SLCO3A1: variants seen among roughly 807,000 people sequenced by gnomAD.
The protein encoded by SLCO3A1 is PGE1 transporter.
Under a neutral mutation model 63.1 loss-of-function variants are expected in SLCO3A1, and 27 were observed. The observed-to-expected ratio is 0.43, with a 90% CI of 0.32 to 0.59. SLCO3A1 has a LOEUF of 0.59. Ranked by LOEUF, SLCO3A1 falls within the 20% of genes least tolerant of loss-of-function variation. The pLI is 0.09. For missense variants in SLCO3A1, 773 were observed against 945.8 expected (o/e 0.82, Z 2.40); for synonymous variants, 473 against 409.9 (o/e 1.15, Z -1.86).
chr15:91,940,817 A>G (rs1006605599), intron 2 of SLCO3A1, among the ~76,000 whole-genome samples: 67 of 152,276 alleles, frequency 4.4e-4, no homozygotes, highest in African/African-American at 1.5e-3. Flanking sequence ...GAATGAGCGA[A>G]TATTCTGCTT....
At chr15:92,160,456 C>G (rs1414161548) in intron 9 of SLCO3A1, among the ~76,000 whole-genome samples, 1 of 152,030 alleles carries the variant, frequency 6.6e-6, no homozygotes, top group East Asian at 1.9e-4. Flanking sequence ...GCTGAGACAC[C>G]TGGGCAGCCT....
chr15:91,856,583 G>A lies in SLCO3A1; in HGVS notation c.180+2495G>A, dbSNP rs1896926417. Among the ~76,000 whole-genome samples, 1 of 152,166 alleles carries A rather than the reference G, an allele frequency of 6.6e-6. No homozygotes were observed. Among genetic ancestry groups the A allele is most frequent in the African/African-American group, 2.4e-5 (1 of 41,426 alleles). On this transcript the variant is annotated intron_variant, in intron 1 of 9. Transcript: ENST00000318445. The surrounding 1 kb of genome is among the most constrained non-coding windows in gnomAD (Gnocchi z 4.9). ...ATATTGCAGGCTGTTTGCAGGAAAG[G>A]CACATTTCTTCCTTTTAATTCATCA...
chr15:92,046,184 T>C (rs748823934), intron 2 of SLCO3A1, among the ~76,000 whole-genome samples: 1 of 152,090 alleles, frequency 6.6e-6, no homozygotes, highest in Non-Finnish European at 1.5e-5. Context: ...TAAGCTATAT[T>C]GGACAGCCTA....
intron 8 of SLCO3A1, among the ~76,000 whole-genome samples, chr15:92,150,394 A>G (rs1250583672): frequency 1.3e-5 from 2 of 152,160 alleles, no homozygotes; most frequent in African/African-American, 4.8e-5. Context: ...GCATCCTTCA[A>G]TCAAGTTGCC....
rs1370309108 is a variant in SLCO3A1 at position 92,046,131 on chromosome 15, T to C, written c.647-48750T>C. Among the ~76,000 whole-genome samples the C allele has an allele frequency of 2.6e-5, 4 of 152,296 alleles. No individual in the cohort carries two copies. The East Asian group carries it at 7.7e-4, about 29-fold the overall frequency. ...AGCTAGAAGGGATTTTCTCATTTTATAAGAAACTAAGAGGTTTAAGAAGTA... is the reference window on the plus strand; with the variant it reads ...AGCTAGAAGGGATTTTCTCATTTTACAAGAAACTAAGAGGTTTAAGAAGTA... On this transcript the variant is annotated intron_variant, in intron 2 of 9. Coordinates refer to ENST00000318445, the MANE Select transcript of SLCO3A1 (RefSeq NM_013272.4).
chr15:91,964,315 C>T lies in SLCO3A1; in HGVS notation c.646+47857C>T, dbSNP rs191264312. Among the ~76,000 whole-genome samples the T allele has an allele frequency of 2.2e-4, 33 of 151,758 alleles. No homozygotes were observed. In the East Asian group the frequency reaches 5.2e-3, roughly 24 times the overall value. On this transcript the variant is annotated intron_variant, in intron 2 of 9. Coordinates refer to ENST00000318445, the MANE Select transcript of SLCO3A1 (RefSeq NM_013272.4). ...TCTGTAATTTTTTTTTGTTTTTGGT[C>T]ATTTTTAGGTGAAATATTTGATAGT...
intron 2 of SLCO3A1, among the ~76,000 whole-genome samples, chr15:91,943,997 C>A (rs1162068724): frequency 1.3e-5 from 2 of 152,166 alleles, no homozygotes; most frequent in African/African-American, 4.8e-5. Flanking sequence ...CCATTAGCTG[C>A]TCTTCATTGG....
chr15:92,165,052 G>T lies in SLCO3A1; in HGVS notation c.*1917G>T, dbSNP rs1338742639. 3 of 985,250 alleles carry T rather than the reference G, an allele frequency of 3.0e-6. No individual in the cohort carries two copies. Among genetic ancestry groups the T allele is most frequent in the Non-Finnish European group, 3.6e-6 (3 of 829,890 alleles). The allele number at this position is 985,250 out of a possible 1,614,324, so 61.0% of individuals were successfully genotyped here. A position where few individuals can be genotyped will look rare whatever the true frequency, so the allele number is the denominator to read the frequency against. On this transcript the variant is annotated 3_prime_UTR_variant, in exon 10 of 10. Transcript: ENST00000318445. The stretch of plus-strand genomic sequence containing the variant: ...AGAATCAGGAAGTAAAAAATGGTTG[G>T]GAGTGGGACAGGTATGGTACCGAAT...
intron 1 of SLCO3A1, among the ~76,000 whole-genome samples, chr15:91,878,221 G>A (rs1233862568): frequency 6.6e-6 from 1 of 151,836 alleles, no homozygotes; most frequent in African/African-American, 2.4e-5. Flanking sequence ...GGATAGCTGG[G>A]ATTACAGGCA....
rs115186036 is a variant in SLCO3A1, at chr15:91,857,995, T to C, written c.180+3907T>C. On this transcript the variant is annotated intron_variant, in intron 1 of 9. Transcript: ENST00000318445. ...GTGACAAAATAATGACATAGATGACTGAGTGTGGTTAATGAGGCTCTATCT... is the reference window on the plus strand; with the variant it reads ...GTGACAAAATAATGACATAGATGACCGAGTGTGGTTAATGAGGCTCTATCT... Among the ~76,000 whole-genome samples the C allele has an allele frequency of 1.6e-3, 243 of 152,222 alleles. 2 individuals are homozygous for C. The highest frequency in any genetic ancestry group is 5.8e-3 in the African/African-American group (239 of 41,494).
intron 2 of SLCO3A1, among the ~76,000 whole-genome samples, chr15:92,036,492 T>C (rs1286187412): frequency 1.3e-5 from 2 of 152,074 alleles, no homozygotes; most frequent in African/African-American, 4.8e-5. Flanking sequence ...AGCTCTGCAT[T>C]CTCCCCACCC....
chr15:91,991,873 T>C (rs2046130365), intron 2 of SLCO3A1, among the ~76,000 whole-genome samples: 1 of 152,238 alleles, frequency 6.6e-6, no homozygotes, highest in South Asian at 2.1e-4. Flanking sequence ...TATGCTTGTG[T>C]AGAGCTAGAT....
At chr15:91,970,548 T>G (rs1225102911) in intron 2 of SLCO3A1, among the ~76,000 whole-genome samples, 2 of 152,144 alleles carry the variant, frequency 1.3e-5, no homozygotes, top group Non-Finnish European at 2.9e-5. Flanking sequence ...TCCTGGAGAA[T>G]GAAAGCGGGT....
At chr15:92,006,218 T>C (rs2046311212) in intron 2 of SLCO3A1, among the ~76,000 whole-genome samples, 1 of 152,190 alleles carries the variant, frequency 6.6e-6, no homozygotes, top group African/African-American at 2.4e-5. Context: ...TTGCATCCTT[T>C]CTAACTTCTG....
Position 91,862,878 on chromosome 15 carries a change from T to C in SLCO3A1, c.180+8790T>C, listed in dbSNP as rs1380305347. ...GTAAAATATTAATGGGAATGGCTAT[T>C]GTCTTTCACCCCCTTTGCAAGAGGC... is the stretch of plus-strand genomic sequence containing the variant. On this transcript the variant is annotated intron_variant, in intron 1 of 9. Transcript: ENST00000318445. This position sits in a 1 kb window ranked among gnomAD's most constrained non-coding sequence, Gnocchi z 4.0. Among the ~76,000 whole-genome samples, 1 of 152,254 alleles carries C rather than the reference T, an allele frequency of 6.6e-6. No individual in the cohort carries two copies. Among genetic ancestry groups the C allele is most frequent in the African/African-American group, 2.4e-5 (1 of 41,460 alleles).
intron 3 of SLCO3A1, among the ~76,000 whole-genome samples, chr15:92,096,767 A>G (rs2047543883): frequency 6.6e-6 from 1 of 152,168 alleles, no homozygotes; most frequent in Non-Finnish European, 1.5e-5. Context: ...CTTGTAGCTA[A>G]TGATGTTACA....
intron 2 of SLCO3A1, among the ~76,000 whole-genome samples, chr15:91,934,278 C>G (rs764274570): frequency 1.3e-5 from 2 of 152,086 alleles, no homozygotes; most frequent in African/African-American, 2.4e-5. Flanking sequence ...AGTAAGCAAG[C>G]CTACCCTTTG....
At chr15:92,052,648 T>A (rs555288953) in intron 2 of SLCO3A1, among the ~76,000 whole-genome samples, 1 of 152,312 alleles carries the variant, frequency 6.6e-6, no homozygotes, top group East Asian at 1.9e-4. Context: ...CCTGGCTCCA[T>A]GTAATTTCCA....
chr15:92,034,198 G>A (rs543776092), intron 2 of SLCO3A1, among the ~76,000 whole-genome samples: 2 of 151,654 alleles, frequency 1.3e-5, no homozygotes, highest in South Asian at 4.2e-4. Context: ...CTTGGGGCCG[G>A]GGATAGCACA....
Sources: gnomAD v4.1 joint callset for allele counts (sites outside exome capture counted in the v4.1 genomes callset) on GRCh38, gnomAD v4.1.1 for gene constraint, Gnocchi (gnomAD v3.1) non-coding constraint, MANE v1.5 for transcripts, NCBI Gene and HGNC (gene_info 2026-07-23, HGNC 2026-07-21) for gene names.